Variants in EEPD1 observed in about 807,000 individuals in gnomAD.
EEPD1 encodes endonuclease/exonuclease/phosphatase family domain-containing protein 1.
Under a neutral mutation model 46.3 loss-of-function variants are expected in EEPD1, and 17 were observed. The ratio of observed to expected loss-of-function variants is 0.37; its 90% CI spans 0.25 to 0.55. The LOEUF is 0.55. Ranked by LOEUF, EEPD1 falls within the 20% of genes least tolerant of loss-of-function variation. The probability of loss-of-function intolerance (pLI) is 0.83; values close to 1 mark genes in which losing one functional copy is unlikely to be tolerated. For synonymous variants in EEPD1, 313 were observed against 315.6 expected (o/e 0.99, Z 0.09); for missense variants, 673 against 745.6 (o/e 0.90, Z 1.13).
At chr7:36,209,104 T>A (rs532621146) in intron 2 of EEPD1, among the ~76,000 whole-genome samples, 1 of 152,080 alleles carries the variant, frequency 6.6e-6, no homozygotes, top group South Asian at 2.1e-4. Flanking sequence ...AACAATGGGG[T>A]TGTGTGGGAT....
intron 2 of EEPD1, among the ~76,000 whole-genome samples, chr7:36,157,897 T>C (rs1161858122): frequency 3.3e-5 from 5 of 152,240 alleles, no homozygotes; most frequent in Non-Finnish European, 7.4e-5. Flanking sequence ...TTCACAGAAA[T>C]CTCTCCCCTT....
At chr7:36,281,561 C>T (rs1354727457) in intron 4 of EEPD1, among the ~76,000 whole-genome samples, 1 of 152,298 alleles carries the variant, frequency 6.6e-6, no homozygotes, top group Non-Finnish European at 1.5e-5. Context: ...GCTCATTACT[C>T]GTTGACTGAA....
intron 7 of EEPD1, 94 bp from the exon 8 acceptor site, chr7:36,298,913 G>A (rs923249336): frequency 6.9e-7 from 1 of 1,449,242 alleles, no homozygotes. Context: ...CCGGCCTGCA[G>A]ACATGCGGTG....
In EEPD1 at chr7:36,182,302, A is replaced by G. The variant is rs549920037; in HGVS notation, c.878+27100A>G. On this transcript the variant is annotated intron_variant, in intron 2 of 7. Transcript: ENST00000242108. ...CATTTTTGTGTAAGAGAAAAGTAAG[A>G]ATATATATTTGTGTTTATTTGTAAA... Among the ~76,000 whole-genome samples the G allele has an allele frequency of 2.0e-3, 300 of 152,294 alleles. 2 individuals carry two copies. The highest frequency in any genetic ancestry group is 2.9e-3 in the Non-Finnish European group (194 of 68,034).
chr7:36,176,521 C>G (rs534567709), intron 2 of EEPD1, among the ~76,000 whole-genome samples: 56 of 152,312 alleles, frequency 3.7e-4, no homozygotes, highest in African/African-American at 1.3e-3. Flanking sequence ...GCTATGATAG[C>G]TGTGAACATG....
intron 3 of EEPD1, among the ~76,000 whole-genome samples, chr7:36,243,186 T>G (rs1385695373): frequency 1.3e-5 from 2 of 152,144 alleles, no homozygotes; most frequent in Admixed American, 6.5e-5. Context: ...CCCAGGTGAT[T>G]ATGTGCTCGA....
chr7:36,161,653 C>T lies in EEPD1; in HGVS notation c.878+6451C>T, dbSNP rs112136367. ...CAAGGCTCCTCACAGTGAGAGAATC[C>T]GGTATACAAATGCCAAGCTTATAAG... On this transcript the variant is annotated intron_variant, in intron 2 of 7. Transcript: ENST00000242108. Among the ~76,000 whole-genome samples, 1,497 of 152,098 alleles carry T rather than the reference C, an allele frequency of 9.8e-3. 35 individuals are homozygous for T. The highest frequency in any genetic ancestry group is 0.035 in the African/African-American group (1,438 of 41,456).
At chr7:36,186,848 A>C (rs1251030112) in intron 2 of EEPD1, among the ~76,000 whole-genome samples, 1 of 152,238 alleles carries the variant, frequency 6.6e-6, no homozygotes, top group Non-Finnish European at 1.5e-5. Flanking sequence ...GAAATGTTAA[A>C]TAACAAACCA....
At chr7:36,195,673 G>A (rs1785568443) in intron 2 of EEPD1, among the ~76,000 whole-genome samples, 2 of 152,118 alleles carry the variant, frequency 1.3e-5, no homozygotes, top group South Asian at 4.1e-4. Flanking sequence ...AAGTTCAGGA[G>A]ATCTCTTGTA....
chr7:36,176,510 C>T (rs191409164), intron 2 of EEPD1, among the ~76,000 whole-genome samples: 36 of 152,280 alleles, frequency 2.4e-4, no homozygotes, highest in Non-Finnish European at 4.3e-4. Flanking sequence ...TATGTCGTAG[C>T]GCTATGATAG....
chr7:36,242,513 G>A (rs1397551896), intron 3 of EEPD1, among the ~76,000 whole-genome samples: 1 of 152,114 alleles, frequency 6.6e-6, no homozygotes, highest in Non-Finnish European at 1.5e-5. Flanking sequence ...CAGGCAAGTG[G>A]CAAACATTTC....
intron 3 of EEPD1, among the ~76,000 whole-genome samples, chr7:36,248,341 A>G (rs1260306928): frequency 5.3e-5 from 8 of 151,474 alleles, no homozygotes. Context: ...GACTAGCTGG[A>G]ATTACAGGCT....
At chr7:36,197,400 C>T (rs1017452374) in intron 2 of EEPD1, among the ~76,000 whole-genome samples, 2 of 152,168 alleles carry the variant, frequency 1.3e-5, no homozygotes, top group African/African-American at 4.8e-5. Flanking sequence ...GCCACCACCC[C>T]GTCTGGGAGG....
At chr7:36,265,922 C>T (rs1787008787) in intron 3 of EEPD1, among the ~76,000 whole-genome samples, 1 of 152,210 alleles carries the variant, frequency 6.6e-6, no homozygotes, top group South Asian at 2.1e-4. Flanking sequence ...ACAGGCATGG[C>T]TGGCATTTCC....
chr7:36,251,379 C>T (rs778843870), intron 3 of EEPD1, among the ~76,000 whole-genome samples: 13 of 152,256 alleles, frequency 8.5e-5, no homozygotes, highest in South Asian at 2.1e-4. Context: ...GGCACAATCT[C>T]GGCTCACCAC....
At chr7:36,183,467 G>A (rs1437620148) in intron 2 of EEPD1, among the ~76,000 whole-genome samples, 1 of 152,146 alleles carries the variant, frequency 6.6e-6, no homozygotes. Flanking sequence ...CAAAGCTGCT[G>A]CTACTTGTGC....
Position 36,161,897 on chromosome 7 carries a change from C to CAA in EEPD1, c.878+6713_878+6714dup, listed in dbSNP as rs10570788. Among the ~76,000 whole-genome samples the CAA allele has an allele frequency of 3.5e-3, 443 of 127,090 alleles. 1 individual carries two copies. The highest frequency in any genetic ancestry group is 5.8e-3 in the African/African-American group (204 of 35,464). The allele number at this position is 127,090 out of a possible 152,430, so 83.4% of individuals were successfully genotyped here. A position where few individuals can be genotyped will look rare whatever the true frequency, so the allele number is the denominator to read the frequency against. On this transcript the variant is annotated intron_variant, in intron 2 of 7. Coordinates refer to ENST00000242108, the MANE Select transcript of EEPD1 (RefSeq NM_030636.3). ...TGACAGAGTGAGACCCTGTCTCTCT[C>CAA]AAAAAAAAAAAAAAAAAAATTACTC...
At chr7:36,184,527 G>C (rs1303189749) in intron 2 of EEPD1, among the ~76,000 whole-genome samples, 1 of 152,166 alleles carries the variant, frequency 6.6e-6, no homozygotes, top group Non-Finnish European at 1.5e-5. Context: ...GTGAGGGCAG[G>C]AGTAAGGTCT....
intron 2 of EEPD1, among the ~76,000 whole-genome samples, chr7:36,204,925 G>A (rs1785785020): frequency 6.6e-6 from 1 of 152,128 alleles, no homozygotes; most frequent in African/African-American, 2.4e-5. Context: ...ATAAATTATG[G>A]CCACTGCCTT....
Sources: allele counts gnomAD v4.1 joint callset (sites outside exome capture counted in the v4.1 genomes callset), GRCh38; gene constraint gnomAD v4.1.1; transcripts MANE v1.5; gene names NCBI Gene and HGNC (gene_info 2026-07-23, HGNC 2026-07-21).